The following MS4A6A variants were observed in gnomAD, a reference collection of about 807,000 sequenced individuals.
MS4A6A encodes membrane-spanning 4-domains subfamily A member 6A.
MS4A6A carries 19 observed loss-of-function variants against 20.6 expected under a neutral mutation model. The ratio of observed to expected loss-of-function variants is 0.92; its 90% confidence interval spans 0.64 to 1.36. MS4A6A has a LOEUF of 1.36. Among genes scored for constraint, MS4A6A ranks in the 40% most tolerant of loss-of-function variants. The pLI, the probability that MS4A6A is intolerant of heterozygous loss-of-function variation, is 0.00. For missense variants in MS4A6A, 272 were observed against 261.1 expected (o/e 1.04, Z -0.29); for synonymous variants, 108 against 105.0 (o/e 1.03, Z -0.17).
rs1856663676 is a variant in MS4A6A, at chr11:60,173,097, C to A, written c.582G>T (p.Leu194=). 6.2e-7 allele frequency: 1 copy of A among 1,613,878 alleles called. No individual in the cohort carries two copies. The highest frequency in any genetic ancestry group is 2.2e-5 in the East Asian group (1 of 44,884). Reference sequence around the variant, plus strand: ...TGAGCACAGCTAGGCAGAATTCCAGCAGAGTGCAAATCAGCATCAGAGAGA... The same window carrying A: ...TGAGCACAGCTAGGCAGAATTCCAGAAGAGTGCAAATCAGCATCAGAGAGA... ...GTLSLMLICT[L]LEFCLAVLTA... The change falls in exon 6 of 6, where the codon CTG becomes CTT. Residue 194 remains leucine (L), a synonymous_variant. Coordinates refer to ENST00000528851, the MANE Select transcript of MS4A6A (RefSeq NM_022349.4).
rs756232802 is a variant in MS4A6A, at chr11:60,175,459, G to A, written c.492C>T (p.Tyr164=). Residue 164 remains tyrosine (Y), a synonymous_variant, in exon 5 of 6, where the codon TAC becomes TAT. Coordinates refer to ENST00000528851, the MANE Select transcript of MS4A6A (RefSeq NM_022349.4). ...NNIPTRSYVS[Y]FYHDSLYTTD... is the part of the protein sequence containing the mutation. ...TGGTATAAAGTGAATCATGATAAAAGTAAGAAACATAACTTCTTGTTGGTA... is the reference window on the plus strand; with the variant it reads ...TGGTATAAAGTGAATCATGATAAAAATAAGAAACATAACTTCTTGTTGGTA... 1.2e-6 allele frequency: 2 copies of A among 1,614,164 alleles called. No homozygotes were observed. The highest frequency in any genetic ancestry group is 4.5e-5 in the East Asian group (2 of 44,886).
intron 2 of MS4A6A, chr11:60,180,401 C>T (rs1043218730): frequency 1.8e-5 from 3 of 166,868 alleles, no homozygotes; most frequent in African/African-American, 7.2e-5. Context: ...CCTCATCTCC[C>T]AGACTCCACT....
chr11:60,177,960 C>A, intron 4 of MS4A6A: 1 of 320,014 alleles, frequency 3.1e-6, no homozygotes, highest in Non-Finnish European at 5.7e-6. Flanking sequence ...AATTTGAAGG[C>A]CAGTTATCAC....
Position 60,175,433 on chromosome 11 carries a change from G to T in MS4A6A, c.518C>A (p.Thr173Lys). 1 of 1,614,064 alleles carries T rather than the reference G, an allele frequency of 6.2e-7. No individual in the cohort carries two copies. Among genetic ancestry groups the T allele is most frequent in the Non-Finnish European group, 8.5e-7 (1 of 1,179,960 alleles). ...SYFYHDSLYT[T>K]DCYTAKASLA... ...ACTGGCTTTGGCTGTATAGCAGTCC[G>T]TGGTATAAAGTGAATCATGATAAAA... The change falls in exon 5 of 6, where the codon ACG (threonine) becomes AAG (lysine). Residue 173 changes from threonine to lysine, a missense_variant. Thr to Lys is a moderately conservative substitution (Grantham distance 78). Coordinates refer to ENST00000528851, the MANE Select transcript of MS4A6A (RefSeq NM_022349.4).
Position 60,178,048 on chromosome 11 carries a change from T to C in MS4A6A, c.339+212A>G, listed in dbSNP as rs113531876. ...GGGCAGAGGGAATATTATAATCCCC[T>C]GAATGCAGACTTTGATGTAGGGTAC... On this transcript the variant is annotated intron_variant, in intron 4 of 5. Coordinates refer to ENST00000528851, the MANE Select transcript of MS4A6A (RefSeq NM_022349.4). The C allele has an allele frequency of 4.0e-3, 2,224 of 559,916 alleles. 29 individuals are homozygous for C. The highest frequency in any genetic ancestry group is 0.037 in the African/African-American group (1,919 of 52,356). The allele number at this position is 559,916 out of a possible 1,614,324, so 34.7% of individuals were successfully genotyped here.
chr11:60,183,114 C>A (rs2083827628), upstream of MS4A6A: 15 of 1,534,624 alleles, frequency 9.8e-6, no homozygotes, highest in Non-Finnish European at 1.3e-5. Flanking sequence ...GTGTTTACAG[C>A]TATACAGGAT....
chr11:60,179,672 G>A, intron 3 of MS4A6A, 159 bp downstream of exon 3: 1 of 768,614 alleles, frequency 1.3e-6, no homozygotes, highest in Non-Finnish European at 2.3e-6. Context: ...CTAAAATCAA[G>A]CAACCCCTGT....
In MS4A6A at chr11:60,172,863, G is replaced by A. The variant is rs1856648538; in HGVS notation, c.*138C>T. The A allele has an allele frequency of 1.4e-6, 2 of 1,479,322 alleles. No individual in the cohort carries two copies. The highest frequency in any genetic ancestry group is 1.8e-6 in the Non-Finnish European group (2 of 1,111,536). The allele number at this position is 1,479,322 out of a possible 1,614,324, so 91.6% of individuals were successfully genotyped here. A position where few individuals can be genotyped will look rare whatever the true frequency, so the allele number is the denominator to read the frequency against. On this transcript the variant is annotated 3_prime_UTR_variant, in exon 6 of 6. Coordinates refer to ENST00000528851, the MANE Select transcript of MS4A6A (RefSeq NM_022349.4). ...TTTTCAGCTTATCAGCTACTCAATT[G>A]CCATCTGCTTTTCTTCTCTGTCTTC... is the stretch of plus-strand genomic sequence containing the variant.
downstream of MS4A6A, chr11:60,172,480 C>A: frequency 8.0e-7 from 1 of 1,250,334 alleles, no homozygotes; most frequent in Non-Finnish European, 1.0e-6. Flanking sequence ...TTAAATAAAG[C>A]CATAAGTCCA....
chr11:60,183,911 A>G (rs2083853580), upstream of MS4A6A: 1 of 152,310 alleles, frequency 6.6e-6, no homozygotes, highest in African/African-American at 2.4e-5. Context: ...GGACAGAGGC[A>G]CTGTGCCCCT....
upstream of MS4A6A, chr11:60,184,311 C>G (rs1206972835): frequency 1.3e-5 from 2 of 152,278 alleles, no homozygotes; most frequent in Non-Finnish European, 2.9e-5. Context: ...CACCTCCAAC[C>G]TTGCTCACCC....
chr11:60,183,089 C>T (rs1214565523), upstream of MS4A6A: 2 of 1,515,438 alleles, frequency 1.3e-6, no homozygotes, highest in Admixed American at 2.1e-5. Context: ...AAGTCATCAG[C>T]CCTTCCTTAT....
intron 4 of MS4A6A, among the ~76,000 whole-genome samples, chr11:60,175,817 T>G (rs774773416): frequency 6.6e-6 from 1 of 152,216 alleles, no homozygotes; most frequent in Non-Finnish European, 1.5e-5. Context: ...CTATACGAAC[T>G]GGTTCACCTT....
At chr11:60,181,784 C>A (rs186951935) in intron 1 of MS4A6A, 43 bp from the exon 2 acceptor site, 6 of 1,594,152 alleles carry the variant, frequency 3.8e-6, no homozygotes, top group Non-Finnish European at 5.2e-6. Flanking sequence ...AAGTACAGAG[C>A]TCCCAGGTTC....
intron 3 of MS4A6A, chr11:60,178,837 CAA>C (rs5792172): frequency 2.1e-3 from 798 of 387,402 alleles, no homozygotes; most frequent in South Asian, 4.4e-3. Flanking sequence ...CTCTAAACAT[CAA>C]AAAAAAAAAT....
chr11:60,171,653 G>A (rs1856598225), downstream of MS4A6A, among the ~76,000 whole-genome samples: 1 of 152,180 alleles, frequency 6.6e-6, no homozygotes, highest in Non-Finnish European at 1.5e-5. Flanking sequence ...CATATACCCT[G>A]AGACTTCATT....
intron 2 of MS4A6A, chr11:60,181,259 T>C (rs1590683618): frequency 2.4e-6 from 1 of 416,632 alleles, no homozygotes. Flanking sequence ...AGTTGTGGAA[T>C]ATATACACAT....
chr11:60,174,531 G>T (rs1306991850), intron 5 of MS4A6A, among the ~76,000 whole-genome samples: 1 of 151,920 alleles, frequency 6.6e-6, no homozygotes, highest in Non-Finnish European at 1.5e-5. Context: ...TCACCGTCAT[G>T]GCCAGGCTCA....
chr11:60,182,422 T>G (rs1468876134), intron 1 of MS4A6A: 1 of 152,420 alleles, frequency 6.6e-6, no homozygotes, highest in East Asian at 1.9e-4. Context: ...AAACCAGTCT[T>G]GGATCTCAGC....
Sources: gnomAD v4.1 joint callset for allele counts (sites outside exome capture counted in the v4.1 genomes callset) on GRCh38, gnomAD v4.1.1 for gene constraint, MANE v1.5 for transcripts, NCBI Gene and HGNC (gene_info 2026-07-23, HGNC 2026-07-21) for gene names.